ATG7: variants seen among roughly 807,000 people sequenced by gnomAD.
ATG7 encodes the protein ubiquitin-like modifier-activating enzyme ATG7.
A neutral mutation model predicts 82.4 loss-of-function variants in ATG7; 70 were observed. The observed-to-expected ratio is 0.85, with a 90% CI of 0.70 to 1.04. ATG7 has a LOEUF of 1.04. Ranked by LOEUF, ATG7 falls within the 50% of genes least tolerant of loss-of-function variation. The pLI is 0.00. For synonymous variants in ATG7, 287 were observed against 313.0 expected, an observed-to-expected ratio of 0.92 and a Z score of 0.88; for missense variants, 792 against 864.3, an observed-to-expected ratio of 0.92 and a Z score of 1.05.
intron 20 of ATG7, among the ~76,000 whole-genome samples, chr3:11,451,698 G>A (rs944180131): frequency 1.3e-5 from 2 of 150,010 alleles, no homozygotes; most frequent in Non-Finnish European, 3.0e-5. Flanking sequence ...GGCGGACACA[G>A]ATTTTATACG....
chr3:11,336,847 A>AT (rs1952584680), intron 11 of ATG7, among the ~76,000 whole-genome samples: 1 of 151,616 alleles, frequency 6.6e-6, no homozygotes, highest in African/African-American at 2.4e-5. Context: ...TAATTTTTGT[A>AT]TTTTTTGCAG....
In ATG7 at chr3:11,472,850, C is replaced by T. The variant is rs149471206; in HGVS notation, c.2079+45924C>T. 4.9e-3 allele frequency among the ~76,000 whole-genome samples: 747 copies of T among 152,262 alleles called. 6 individuals carry two copies. The highest frequency in any genetic ancestry group is 0.017 in the African/African-American group (708 of 41,542). On this transcript the variant is annotated intron_variant, in intron 20 of 20. Transcript: ENST00000693202. The stretch of plus-strand genomic sequence containing the variant: ...ATGCCAAATGCGCTGATTTGCACAC[C>T]GTTTTTCATGAAATCTTATTTTTCT...
At chr3:11,436,633 A>G (rs2083395037) in intron 20 of ATG7, among the ~76,000 whole-genome samples, 1 of 152,226 alleles carries the variant, frequency 6.6e-6, no homozygotes, top group Admixed American at 6.5e-5. Context: ...TTATTTATTC[A>G]TAATTGTCAA....
chr3:11,325,362 G>C (rs1000485607), intron 9 of ATG7, among the ~76,000 whole-genome samples: 4 of 152,126 alleles, frequency 2.6e-5, no homozygotes, highest in Non-Finnish European at 4.4e-5. Context: ...CAGTTTCTGT[G>C]CTAAGTGCAG....
chr3:11,348,030 G>A lies in ATG7; in HGVS notation c.1279G>A (p.Gly427Ser), dbSNP rs756285343. 9 of 1,613,054 alleles carry A rather than the reference G, an allele frequency of 5.6e-6. No homozygotes were observed. Among genetic ancestry groups the A allele is most frequent in the Middle Eastern group, 1.7e-4 (1 of 6,048 alleles). Residue 427 changes from glycine to serine, a missense_variant, in exon 14 of 21, where the codon GGT (glycine) becomes AGT (serine). Coordinates refer to ENST00000693202, the MANE Select transcript of ATG7 (RefSeq NM_001349232.2). ...AADRLQKIFP[G>S]VNARGFNMSI... ...GGACCGGCTCCAGAAAATATTCCCC[G>A]GTGTGGTATGTTGTTGCTTTTGCAG...
chr3:11,374,637 G>C (rs1423682770), intron 18 of ATG7, among the ~76,000 whole-genome samples: 1 of 152,150 alleles, frequency 6.6e-6, no homozygotes, highest in African/African-American at 2.4e-5. Flanking sequence ...CATGTGTGGT[G>C]GCTCACGCCT....
chr3:11,350,229 A>G lies in ATG7; in HGVS notation c.1284+2194A>G, dbSNP rs111270666. 2.8e-4 allele frequency among the ~76,000 whole-genome samples: 43 copies of G among 152,336 alleles called. 1 individual carries two copies. Among genetic ancestry groups the G allele is most frequent in the African/African-American group, 9.6e-4 (40 of 41,580 alleles). On this transcript the variant is annotated intron_variant, in intron 14 of 20. Coordinates refer to ENST00000693202, the MANE Select transcript of ATG7 (RefSeq NM_001349232.2). Reference sequence around the variant, plus strand: ...CATCATCTTGGGTTTAACAGTATTAATTGACCACCCACTGTGTAGCCAGCT... The same window carrying G: ...CATCATCTTGGGTTTAACAGTATTAGTTGACCACCCACTGTGTAGCCAGCT...
chr3:11,287,057 T>G (rs1173955955), intron 3 of ATG7, among the ~76,000 whole-genome samples: 6 of 152,178 alleles, frequency 3.9e-5, no homozygotes, highest in African/African-American at 1.4e-4. Flanking sequence ...TGAGCCACTG[T>G]GCCTGGCTGA....
chr3:11,283,269 A>G (rs756863034), intron 3 of ATG7, among the ~76,000 whole-genome samples: 16 of 152,234 alleles, frequency 1.1e-4, no homozygotes, highest in Non-Finnish European at 2.2e-4. Context: ...AGGCAGAGGA[A>G]ATTTTCATAG....
intron 20 of ATG7, chr3:11,529,339 C>T (rs2092649008): frequency 6.6e-6 from 1 of 152,168 alleles, no homozygotes; most frequent in South Asian, 2.1e-4. Flanking sequence ...GGAACCGTAA[C>T]ACAAGAGAAG....
At chr3:11,573,316 GAAGAAAGAAAGAAAGAAAGA>G in the ATG7 span, among the ~76,000 whole-genome samples, 2,007 of 20,552 alleles carry the variant, frequency 0.098, 49 homozygotes, top group Admixed American at 0.11. Flanking sequence ...AGGAAGGAAG[GAAGAAAGAAAGAAAGAAAGA>G]AAGAAAGAAA....
Position 11,412,328 on chromosome 3 carries a change from T to C in ATG7, c.1957-14476T>C, listed in dbSNP as rs77090174. On this transcript the variant is annotated intron_variant, in intron 19 of 20. Coordinates refer to ENST00000693202, the MANE Select transcript of ATG7 (RefSeq NM_001349232.2). ...AGGGAAGGAACTCAGATAAAACAAA[T>C]ATGAGTTTCAAGCTTTAACAGCAGA... 7.9e-3 allele frequency among the ~76,000 whole-genome samples: 1,178 copies of C among 148,422 alleles called. 8 individuals carry two copies. Among genetic ancestry groups the C allele is most frequent in the South Asian group, 0.024 (112 of 4,726 alleles).
intron 3 of ATG7, chr3:11,290,693 T>C (rs909763129): frequency 5.1e-6 from 1 of 195,876 alleles, no homozygotes. Flanking sequence ...TGTTATCTTC[T>C]TTTTTTTTGA....
intron 11 of ATG7, among the ~76,000 whole-genome samples, chr3:11,333,696 A>G (rs1951969994): frequency 6.6e-6 from 1 of 151,770 alleles, no homozygotes; most frequent in Non-Finnish European, 1.5e-5. Flanking sequence ...GATTGAATAC[A>G]TATTCAAGTT....
At chr3:11,520,972 G>GGGA (rs2092426044) in intron 20 of ATG7, among the ~76,000 whole-genome samples, 1 of 152,114 alleles carries the variant, frequency 6.6e-6, no homozygotes, top group Non-Finnish European at 1.5e-5. Flanking sequence ...TTAGCATCAG[G>GGGA]GGAGTAGTAG....
chr3:11,558,532 G>A (rs201152887), downstream of ATG7: 85 of 1,475,436 alleles, frequency 5.8e-5, no homozygotes, highest in African/African-American at 2.1e-4. Context: ...GCAGATCCAC[G>A]TGTTGTTGGA....
chr3:11,515,294 G>A (rs893416248), intron 20 of ATG7, among the ~76,000 whole-genome samples: 20 of 129,278 alleles, frequency 1.5e-4, no homozygotes, highest in Non-Finnish European at 2.8e-4. Flanking sequence ...TGTGTCTCTT[G>A]CGCGTGTGTG....
At chr3:11,565,028 G>A in the ATG7 span, 1 of 1,474,862 alleles carries the variant, frequency 6.8e-7, no homozygotes, top group Non-Finnish European at 9.0e-7. This position sits in a 1 kb window ranked among gnomAD's most constrained non-coding sequence, Gnocchi z 4.1. Context: ...TCCTGAAAAA[G>A]AGGAATGGGC....
chr3:11,565,084 G>C, the ATG7 span: 38 of 1,360,896 alleles, frequency 2.8e-5, no homozygotes, highest in Non-Finnish European at 3.5e-5. The surrounding 1 kb of genome is among the most constrained non-coding windows in gnomAD (Gnocchi z 4.1). Context: ...GTGACTGTGC[G>C]CCAGGCACTC....
Sources: allele counts gnomAD v4.1 joint callset (sites outside exome capture counted in the v4.1 genomes callset), GRCh38; gene constraint gnomAD v4.1.1; non-coding constraint Gnocchi (gnomAD v3.1); transcripts MANE v1.5; gene names NCBI Gene and HGNC (gene_info 2026-07-23, HGNC 2026-07-21).